Variants in MGLL observed in about 807,000 individuals in gnomAD.
The protein encoded by MGLL is monoglyceride lipase.
MGLL carries 7 observed loss-of-function variants against 29.1 expected under a neutral mutation model. The ratio of observed to expected loss-of-function variants is 0.24; its 90% CI spans 0.14 to 0.45. MGLL has a LOEUF of 0.45. Among genes scored for constraint, MGLL ranks in the 20% least tolerant of loss-of-function variants. The pLI is 0.99. For synonymous variants in MGLL, 148 were observed against 168.3 expected (o/e 0.88, Z 0.93); for missense variants, 356 against 413.6 (o/e 0.86, Z 1.21).
intron 3 of MGLL, among the ~76,000 whole-genome samples, chr3:127,741,306 C>T (rs932373988): frequency 3.9e-5 from 6 of 152,262 alleles, no homozygotes; most frequent in African/African-American, 1.4e-4. Context: ...GCCATGCCCA[C>T]TCCTCATGCT....
rs568399886 is a variant in MGLL at position 127,746,237 on chromosome 3, G to A, written c.263-23671C>T. Among the ~76,000 whole-genome samples, 194 of 152,192 alleles carry A rather than the reference G, an allele frequency of 1.3e-3. 1 individual carries two copies. Among genetic ancestry groups the A allele is most frequent in the African/African-American group, 4.4e-3 (181 of 41,510 alleles). On this transcript the variant is annotated intron_variant, in intron 3 of 7. Transcript: ENST00000265052. ...GGGAGAAAACAAGCCCCAAACATGC[G>A]GCCATGGCTCCTGAGTTTTCTAACA...
intron 2 of MGLL, among the ~76,000 whole-genome samples, chr3:127,783,437 C>A (rs545511612): frequency 6.6e-6 from 1 of 152,306 alleles, no homozygotes; most frequent in Non-Finnish European, 1.5e-5. Flanking sequence ...GATGCCCCCA[C>A]CTTGACATCA....
chr3:127,738,697 C>G (rs1003395058), intron 3 of MGLL, among the ~76,000 whole-genome samples: 1 of 152,176 alleles, frequency 6.6e-6, no homozygotes, highest in Non-Finnish European at 1.5e-5. Context: ...CCAGTCCAGC[C>G]CCTGTAGGAG....
At chr3:127,785,187 T>A (rs2077191977) in intron 2 of MGLL, among the ~76,000 whole-genome samples, 1 of 152,000 alleles carries the variant, frequency 6.6e-6, no homozygotes, top group African/African-American at 2.4e-5. Context: ...CTGTGAGACC[T>A]TCCCCCCTCC....
intron 3 of MGLL, among the ~76,000 whole-genome samples, chr3:127,731,627 G>A (rs1179591787): frequency 6.6e-6 from 1 of 152,088 alleles, no homozygotes; most frequent in African/African-American, 2.4e-5. Context: ...CCTTGCATCT[G>A]AGAGCCCTGA....
chr3:127,766,047 T>C (rs147167046), intron 3 of MGLL, among the ~76,000 whole-genome samples: 37 of 152,272 alleles, frequency 2.4e-4, no homozygotes, highest in African/African-American at 7.9e-4. Context: ...GTGGGGAAAC[T>C]GAGGCTCACC....
intron 3 of MGLL, among the ~76,000 whole-genome samples, chr3:127,722,804 G>A (rs964354306): frequency 1.3e-5 from 2 of 152,182 alleles, no homozygotes; most frequent in East Asian, 1.9e-4. Flanking sequence ...AGGAAGCAAC[G>A]AGCCAGGGTG....
chr3:127,792,204 C>T (rs1275539316), intron 2 of MGLL, among the ~76,000 whole-genome samples: 1 of 152,184 alleles, frequency 6.6e-6, no homozygotes, highest in South Asian at 2.1e-4. Context: ...TTATATCAAC[C>T]CATCCACGTT....
chr3:127,716,066 C>G (rs948749752), intron 5 of MGLL: 7 of 338,014 alleles, frequency 2.1e-5, no homozygotes, highest in Non-Finnish European at 4.1e-5. Flanking sequence ...ACAGAGCTCC[C>G]AATTATGCCA....
At chr3:127,733,994 T>C (rs2076199281) in intron 3 of MGLL, among the ~76,000 whole-genome samples, 1 of 152,220 alleles carries the variant, frequency 6.6e-6, no homozygotes, top group African/African-American at 2.4e-5. Context: ...GTTGTGGCCC[T>C]GCAGAGGAAA....
intron 2 of MGLL, among the ~76,000 whole-genome samples, chr3:127,817,962 C>T (rs912412254): frequency 6.6e-6 from 1 of 152,194 alleles, no homozygotes; most frequent in Non-Finnish European, 1.5e-5. Flanking sequence ...CCAGTATCCC[C>T]CCCTTTTTCT....
At chr3:127,746,225 C>T (rs528557386) in intron 3 of MGLL, among the ~76,000 whole-genome samples, 1 of 152,266 alleles carries the variant, frequency 6.6e-6, no homozygotes, top group African/African-American at 2.4e-5. Context: ...AGAAAACAAG[C>T]CCCAAACATG....
intron 6 of MGLL, among the ~76,000 whole-genome samples, chr3:127,700,796 G>A (rs2075464214): frequency 6.6e-6 from 1 of 152,202 alleles, no homozygotes; most frequent in Non-Finnish European, 1.5e-5. Flanking sequence ...TTCATTCAGT[G>A]AATGGCCTTT....
At chr3:127,722,859 A>G (rs907812348) in intron 3 of MGLL, among the ~76,000 whole-genome samples, 21 of 152,178 alleles carry the variant, frequency 1.4e-4, no homozygotes, top group African/African-American at 4.8e-4. Flanking sequence ...CAAGGAAGGG[A>G]AAAAGCACAG....
intron 5 of MGLL, among the ~76,000 whole-genome samples, chr3:127,718,455 T>C (rs2075857290): frequency 6.6e-6 from 1 of 152,064 alleles, no homozygotes; most frequent in African/African-American, 2.4e-5. Context: ...TTGAGGCTCA[T>C]AAGAGCAAAC....
At chr3:127,742,440 A>G (rs1371039177) in intron 3 of MGLL, among the ~76,000 whole-genome samples, 2 of 151,910 alleles carry the variant, frequency 1.3e-5, no homozygotes, top group East Asian at 1.9e-4. Context: ...AAATACAAAA[A>G]TGAGCCAGGC....
chr3:127,746,756 G>A (rs1250273617), intron 3 of MGLL, among the ~76,000 whole-genome samples: 3 of 152,156 alleles, frequency 2.0e-5, no homozygotes, highest in East Asian at 1.9e-4. Context: ...CCTCCCTCTC[G>A]TCTACTGGGG....
intron 3 of MGLL, among the ~76,000 whole-genome samples, chr3:127,779,292 G>A (rs993124286): frequency 6.6e-5 from 10 of 152,090 alleles, no homozygotes; most frequent in East Asian, 1.9e-4. Context: ...GCTTGAACCC[G>A]GGAGGCAGAG....
intron 3 of MGLL, among the ~76,000 whole-genome samples, chr3:127,749,936 A>T (rs2076526044): frequency 6.6e-6 from 1 of 152,198 alleles, no homozygotes; most frequent in African/African-American, 2.4e-5. Flanking sequence ...AAGTTTGAAG[A>T]TTCCAATGGG....
Sources: allele counts gnomAD v4.1 joint callset (sites outside exome capture counted in the v4.1 genomes callset), GRCh38; gene constraint gnomAD v4.1.1; transcripts MANE v1.5; gene names NCBI Gene and HGNC (gene_info 2026-07-23, HGNC 2026-07-21).